Variants in LRR1 observed in about 807,000 individuals in gnomAD.
LRR1 encodes leucine rich repeat protein 1.
LRR1 carries 29 observed loss-of-function variants against 31.6 expected under a neutral mutation model. The observed-to-expected ratio is 0.92, with a 90% CI of 0.68 to 1.25. LRR1 has a LOEUF of 1.25. Among genes scored for constraint, LRR1 ranks in the 50% most tolerant of loss-of-function variants. LRR1 has a pLI of 0.00. For synonymous variants in LRR1, 179 were observed against 181.4 expected (o/e 0.99, Z 0.10); for missense variants, 485 against 487.2 (o/e 1.00, Z 0.04).
rs190167571 is a variant in LRR1, at chr14:49,600,958, T to C, written c.184-1412T>C. ...GCTTGGCTTTGACCATACACATTTC[T>C]GCACAGCCCTTACAGAATCTGCACA... On this transcript the variant is annotated intron_variant, in intron 1 of 3. Transcript: ENST00000298288. 4.4e-3 allele frequency: 6,844 copies of C among 1,568,660 alleles called. 22 individuals are homozygous for C. Among genetic ancestry groups the C allele is most frequent in the Non-Finnish European group, 5.1e-3 (5,913 of 1,156,420 alleles).
At chr14:49,606,215 C>T (rs1269574289) in intron 2 of LRR1, among the ~76,000 whole-genome samples, 5 of 151,536 alleles carry the variant, frequency 3.3e-5, no homozygotes, top group South Asian at 4.2e-4. Flanking sequence ...TTAGTAGAGA[C>T]GGGGTTTCAC....
intron 2 of LRR1, 30 bp downstream of exon 2, chr14:49,602,498 A>G (rs2139535252): frequency 6.5e-7 from 1 of 1,539,980 alleles, no homozygotes; most frequent in Non-Finnish European, 9.0e-7. Flanking sequence ...AATGATTAAT[A>G]TTTGGCTGTA....
intron 3 of LRR1, among the ~76,000 whole-genome samples, chr14:49,611,923 C>CAA (rs61699129): frequency 7.9e-6 from 1 of 126,862 alleles, no homozygotes; most frequent in East Asian, 3.7e-4. Context: ...GACTGCGTCT[C>CAA]AAAAAAAAAA....
intron 3 of LRR1, among the ~76,000 whole-genome samples, chr14:49,610,804 C>T (rs1301854049): frequency 1.3e-5 from 2 of 152,056 alleles, no homozygotes; most frequent in Non-Finnish European, 2.9e-5. Flanking sequence ...CCTTGTGATC[C>T]ACCTGCCTCA....
chr14:49,609,682 C>T (rs923083716), intron 3 of LRR1, among the ~76,000 whole-genome samples: 36 of 151,758 alleles, frequency 2.4e-4, no homozygotes, highest in African/African-American at 8.0e-4. Context: ...GCCGGGATTA[C>T]AGGTGTGAGC....
At chr14:49,609,557 A>G (rs922800530) in intron 3 of LRR1, among the ~76,000 whole-genome samples, 2 of 151,444 alleles carry the variant, frequency 1.3e-5, no homozygotes, top group Non-Finnish European at 2.9e-5. Flanking sequence ...GGCACCCGCC[A>G]CCACACCTGG....
chr14:49,600,645 A>G (rs1028765580), intron 1 of LRR1: 1 of 1,464,722 alleles, frequency 6.8e-7, no homozygotes, highest in Non-Finnish European at 9.2e-7. Context: ...GAAACTGTCC[A>G]TTTCTCTCAG....
intron 3 of LRR1, among the ~76,000 whole-genome samples, chr14:49,608,448 G>T (rs544501373): frequency 1.2e-3 from 23 of 19,608 alleles, no homozygotes; most frequent in African/African-American, 3.1e-3. Context: ...TTTTTTTTTT[G>T]GTCATAGGAC....
At chr14:49,604,678 G>A (rs1391606473) in intron 2 of LRR1, among the ~76,000 whole-genome samples, 4 of 152,172 alleles carry the variant, frequency 2.6e-5, no homozygotes, top group Admixed American at 6.6e-5. Flanking sequence ...GGTTGATAGA[G>A]CAAGACCCTG....
intron 2 of LRR1, among the ~76,000 whole-genome samples, chr14:49,606,387 G>A (rs1383162665): frequency 2.0e-5 from 3 of 151,926 alleles, no homozygotes; most frequent in African/African-American, 7.3e-5. Context: ...CGCCCAGGCT[G>A]GAGTGCAGTG....
Position 49,607,776 on chromosome 14 carries a change from G to A in LRR1, c.659G>A (p.Cys220Tyr), listed in dbSNP as rs369051720. The A allele has an allele frequency of 1.1e-5, 18 of 1,613,966 alleles. No individual in the cohort carries two copies. The highest frequency in any genetic ancestry group is 2.2e-5 in the South Asian group (2 of 91,088). The change falls in exon 3 of 4, where the codon TGT becomes TAT. Residue 220 changes from cysteine to tyrosine, a missense_variant. Transcript: ENST00000298288. ...NHLESFSVAL[C>Y]HSTLQKSLRS... ...TTGGAGTCATTTAGTGTAGCCTTGT[G>A]TCATTCTACACTCCAGAAGTCACTT...
chr14:49,600,140 C>A, intron 1 of LRR1: 1 of 1,545,648 alleles, frequency 6.5e-7, no homozygotes, highest in Non-Finnish European at 8.9e-7. Flanking sequence ...ACACAGTCAG[C>A]GTCACCGTGG....
intron 2 of LRR1, among the ~76,000 whole-genome samples, chr14:49,602,880 G>A (rs1215514761): frequency 1.3e-5 from 2 of 152,004 alleles, no homozygotes; most frequent in Non-Finnish European, 2.9e-5. Flanking sequence ...TTGCTGCCCA[G>A]GCTGGAGTGT....
intron 3 of LRR1, 136 bp downstream of exon 3, chr14:49,608,257 TC>T: frequency 1.1e-6 from 1 of 904,720 alleles, no homozygotes; most frequent in Non-Finnish European, 1.6e-6. Flanking sequence ...GTCTTCTTGT[TC>T]CTTACCTCTG....
At chr14:49,607,108 G>C (rs1882316052) in intron 2 of LRR1, among the ~76,000 whole-genome samples, 1 of 150,900 alleles carries the variant, frequency 6.6e-6, no homozygotes. Context: ...GCTTACTGCA[G>C]CCTCTACTTC....
intron 1 of LRR1, 117 bp downstream of exon 1, chr14:49,599,320 T>C: frequency 1.7e-6 from 2 of 1,187,562 alleles, no homozygotes; most frequent in Non-Finnish European, 2.3e-6. Flanking sequence ...CCTTGGGGGT[T>C]CCTGAACTCC....
intron 1 of LRR1, chr14:49,600,545 T>G: frequency 6.3e-7 from 1 of 1,575,726 alleles, no homozygotes; most frequent in Non-Finnish European, 8.7e-7. Flanking sequence ...CCATTTTAAC[T>G]CCAAAGAAAC....
At position 49,614,273 on chromosome 14, in the gene LRR1, A is replaced by G; in HGVS notation, c.1022A>G (p.His341Arg). ...ILHNRIPYGS[H>R]IIPFHLCQDL... ...TCCAATAGGATTCCATATGGCTCTC[A>G]TATCATTCCATTCCATCTCTGCCAA... Residue 341 changes from histidine to arginine, a missense_variant, in exon 4 of 4, where the codon CAT becomes CGT. Physicochemically the swap from His to Arg is conservative, Grantham distance 29 (BLOSUM62 0). Around this residue, in one of 3 missense-constraint regions of LRR1, gnomAD observed 210 missense variants for 200.4 expected, o/e 1.05. Transcript: ENST00000298288. 6.2e-7 allele frequency: 1 copy of G among 1,613,058 alleles called. No individual in the cohort carries two copies. Among genetic ancestry groups the G allele is most frequent in the South Asian group, 1.1e-5 (1 of 91,070 alleles).
chr14:49,598,997 A>G lies in LRR1; in HGVS notation c.-24A>G, dbSNP rs1881921914. ...AGGAGGAAGTTTCAAAGCCAGCTTG[A>G]CGTGGTTGTGGCCGTTGGGCGAGAT... On this transcript the variant is annotated 5_prime_UTR_variant, in exon 1 of 4. The change abolishes the stop of an existing upstream ORF in the 5' untranslated region. Coordinates refer to ENST00000298288, the MANE Select transcript of LRR1 (RefSeq NM_152329.4). The G allele has an allele frequency of 1.3e-6, 2 of 1,592,176 alleles. No individual in the cohort carries two copies. Among genetic ancestry groups the G allele is most frequent in the Admixed American group, 1.8e-5 (1 of 56,778 alleles).
Sources: allele counts gnomAD v4.1 joint callset (sites outside exome capture counted in the v4.1 genomes callset), GRCh38; gene constraint gnomAD v4.1.1; regional missense constraint gnomAD v4.1.1; transcripts MANE v1.5; gene names NCBI Gene and HGNC (gene_info 2026-07-23, HGNC 2026-07-21).